LHFPL1: variants seen among roughly 807,000 people sequenced by gnomAD.
LHFPL1 encodes the protein LHFPL tetraspan subfamily member 1 protein.
In LHFPL1, 4 loss-of-function variants were observed where a neutral mutation model predicts 12.1. The ratio of observed to expected loss-of-function variants is 0.33; its 90% CI spans 0.16 to 0.76. The LOEUF (loss-of-function observed/expected upper bound fraction) is 0.76, where lower values mean the gene tolerates loss of function less well. Ranked by LOEUF, LHFPL1 falls within the 30% of genes least tolerant of loss-of-function variation. The pLI, the probability that LHFPL1 is intolerant of heterozygous loss-of-function variation, is 0.61. For missense variants in LHFPL1, 141 were observed against 174.1 expected (o/e 0.81, Z 1.07); for synonymous variants, 52 against 61.9 (o/e 0.84, Z 0.75).
chrX:112,644,184 A>G (rs887149849), intron 3 of LHFPL1, among the ~76,000 whole-genome samples: 3 of 112,130 alleles, frequency 2.7e-5, no homozygotes, highest in African/African-American at 9.7e-5. Context: ...ATGGCCTCCT[A>G]TGGATGAGTT....
At chrX:112,668,058 T>C (rs764427425) in intron 2 of LHFPL1, among the ~76,000 whole-genome samples, 3 of 111,404 alleles carry the variant, frequency 2.7e-5, no homozygotes, top group East Asian at 5.6e-4. Flanking sequence ...ACTCCCCCAA[T>C]GTATTTCGGT....
chrX:112,668,658 T>C (rs73534800), intron 2 of LHFPL1, among the ~76,000 whole-genome samples: 5,417 of 112,572 alleles, frequency 0.048, 327 homozygotes, highest in African/African-American at 0.17. Context: ...ATTTCCTCTA[T>C]GTGACACCTG....
At chrX:112,657,256 T>C (rs1048281583) in intron 3 of LHFPL1, among the ~76,000 whole-genome samples, 5 of 112,279 alleles carry the variant, frequency 4.5e-5, no homozygotes, top group Non-Finnish European at 7.5e-5. Flanking sequence ...TGTTCTACAC[T>C]GAAAATGACA....
At chrX:112,642,193 A>G (rs890247848) in intron 3 of LHFPL1, among the ~76,000 whole-genome samples, 10 of 102,813 alleles carry the variant, frequency 9.7e-5, no homozygotes, top group African/African-American at 3.5e-4. Context: ...ATATTGTCCA[A>G]CCTATACTAA....
chrX:112,636,656 C>T (rs1454014262), intron 3 of LHFPL1, among the ~76,000 whole-genome samples: 1 of 111,645 alleles, frequency 9.0e-6, no homozygotes, highest in African/African-American at 3.3e-5. Context: ...GAGGAGGAAG[C>T]ACTGATTCCC....
intron 3 of LHFPL1, among the ~76,000 whole-genome samples, chrX:112,648,473 C>T (rs1269828321): frequency 9.0e-6 from 1 of 111,308 alleles, no homozygotes; most frequent in Non-Finnish European, 1.9e-5. Flanking sequence ...TTTATGTCCT[C>T]TTCCTCAGAA....
At chrX:112,661,062 C>T (rs28576358) in intron 2 of LHFPL1, among the ~76,000 whole-genome samples, 24,491 of 111,216 alleles carry the variant, frequency 0.22, 4,175 homozygotes, top group African/African-American at 0.59. Context: ...TGGTCTGATA[C>T]ACAGAGAATA....
At chrX:112,662,820 A>C (rs1457187185) in intron 2 of LHFPL1, among the ~76,000 whole-genome samples, 2 of 112,061 alleles carry the variant, frequency 1.8e-5, no homozygotes, top group Non-Finnish European at 3.8e-5. Context: ...CAGAGTACGC[A>C]CATTGGGTTA....
chrX:112,658,680 T>C (rs1931085699), intron 3 of LHFPL1, among the ~76,000 whole-genome samples: 1 of 111,170 alleles, frequency 9.0e-6, no homozygotes, highest in Admixed American at 9.6e-5. Context: ...ACATTGTTGG[T>C]GGGAATGTAA....
At chrX:112,636,173 A>T (rs973503746) in intron 3 of LHFPL1, among the ~76,000 whole-genome samples, 4 of 111,127 alleles carry the variant, frequency 3.6e-5, no homozygotes, top group Non-Finnish European at 1.9e-5. Flanking sequence ...ACATTGCCAG[A>T]TGTCCCCCGG....
chrX:112,638,875 G>A (rs1602665948), intron 3 of LHFPL1, among the ~76,000 whole-genome samples: 1 of 111,383 alleles, frequency 9.0e-6, no homozygotes. Flanking sequence ...ACATGGTAGG[G>A]TAAGGGAGGG....
intron 1 of LHFPL1, among the ~76,000 whole-genome samples, chrX:112,671,680 G>A (rs1931512331): frequency 1.8e-5 from 2 of 111,957 alleles, no homozygotes; most frequent in Non-Finnish European, 3.8e-5. Flanking sequence ...CTGAATTAGG[G>A]TCTGCTCTGC....
chrX:112,674,982 A>T (rs1039550945), intron 1 of LHFPL1, among the ~76,000 whole-genome samples: 6 of 111,818 alleles, frequency 5.4e-5, no homozygotes, highest in African/African-American at 2.0e-4. Context: ...GACCTGGATG[A>T]GATTGGAGAC....
chrX:112,644,230 T>C (rs995256588), intron 3 of LHFPL1, among the ~76,000 whole-genome samples: 4 of 112,209 alleles, frequency 3.6e-5, no homozygotes, highest in African/African-American at 1.3e-4. Flanking sequence ...CTCTGGCCCC[T>C]CCTTCCATGG....
At chrX:112,641,944 G>A (rs148014819) in intron 3 of LHFPL1, among the ~76,000 whole-genome samples, 2,550 of 112,009 alleles carry the variant, frequency 0.023, 58 homozygotes, top group African/African-American at 0.079. Flanking sequence ...TGCAGTGCTA[G>A]CAGCTTTCAC....
At chrX:112,658,667 T>G (rs1931085137) in intron 3 of LHFPL1, among the ~76,000 whole-genome samples, 1 of 111,215 alleles carries the variant, frequency 9.0e-6, no homozygotes, top group African/African-American at 3.3e-5. Context: ...TTGAAACCAT[T>G]GTACATTGTT....
At chrX:112,674,609 A>G (rs1263687082) in intron 1 of LHFPL1, among the ~76,000 whole-genome samples, 1 of 111,054 alleles carries the variant, frequency 9.0e-6, no homozygotes, top group Non-Finnish European at 1.9e-5. Context: ...AAAAAATCCC[A>G]TCAGAAAGTA....
intron 3 of LHFPL1, among the ~76,000 whole-genome samples, chrX:112,639,607 A>G (rs145992905): frequency 8.9e-6 from 1 of 112,176 alleles, no homozygotes; most frequent in East Asian, 2.8e-4. Flanking sequence ...TGCCGAACAA[A>G]TTGAGTCCTT....
At position 112,675,749 on chromosome X, in the gene LHFPL1, T is replaced by G. The variant is rs574005366; in HGVS notation, c.-15+4080A>C. 1.1e-3 allele frequency among the ~76,000 whole-genome samples: 118 copies of G among 111,616 alleles called. No homozygotes were observed. In the South Asian group the frequency reaches 0.019, roughly 18 times the overall value. On this transcript the variant is annotated intron_variant, in intron 1 of 3. Coordinates refer to ENST00000371968, the MANE Select transcript of LHFPL1 (RefSeq NM_178175.4). ...AACCTTGGATGAAATGGTCACCCTA[T>G]TTAGGACTAGAGATGTTGTGGGCTA...
Sources: gnomAD v4.1 joint callset for allele counts (sites outside exome capture counted in the v4.1 genomes callset) on GRCh38, gnomAD v4.1.1 for gene constraint, MANE v1.5 for transcripts, NCBI Gene and HGNC (gene_info 2026-07-23, HGNC 2026-07-21) for gene names.